Variants in GOLM2 observed in about 807,000 individuals in gnomAD.
The protein encoded by GOLM2 is protein GOLM2.
A neutral mutation model predicts 55.9 loss-of-function variants in GOLM2; 26 were observed. That is an observed-to-expected ratio of 0.47 (90% CI 0.34 to 0.65). GOLM2 has a LOEUF of 0.65. Among genes scored for constraint, GOLM2 ranks in the 30% least tolerant of loss-of-function variants. The pLI is 0.01. For missense variants in GOLM2, 486 were observed against 531.8 expected (o/e 0.91, Z 0.85); for synonymous variants, 165 against 194.6 (o/e 0.85, Z 1.27).
chr15:44,358,097 T>C (rs1474514029), intron 6 of GOLM2, among the ~76,000 whole-genome samples: 2 of 152,222 alleles, frequency 1.3e-5, no homozygotes, highest in East Asian at 3.9e-4. Context: ...CTCAAGCCTG[T>C]AATCCCAGCA....
intron 6 of GOLM2, among the ~76,000 whole-genome samples, chr15:44,364,397 G>A (rs1286173151): frequency 5.4e-5 from 8 of 148,744 alleles, no homozygotes; most frequent in African/African-American, 1.5e-4. Context: ...GTGGCCGGGC[G>A]CGGTGGCTCA....
intron 8 of GOLM2, among the ~76,000 whole-genome samples, chr15:44,388,090 A>G (rs1226690908): frequency 2.6e-5 from 4 of 151,378 alleles, no homozygotes; most frequent in Admixed American, 6.6e-5. Context: ...CACCTGGCCA[A>G]TATGGTAAAA....
chr15:44,292,908 G>C (rs751452618), intron 1 of GOLM2, among the ~76,000 whole-genome samples: 2 of 152,094 alleles, frequency 1.3e-5, no homozygotes, highest in Non-Finnish European at 2.9e-5. Flanking sequence ...TCAAACTCCT[G>C]GGCTCAAGCG....
chr15:44,319,129 A>G (rs2078932241), intron 1 of GOLM2, among the ~76,000 whole-genome samples: 2 of 152,150 alleles, frequency 1.3e-5, no homozygotes. Context: ...ATTTTACGGT[A>G]TTATGATTGC....
intron 1 of GOLM2, among the ~76,000 whole-genome samples, chr15:44,298,840 G>T (rs1217759886): frequency 6.6e-6 from 1 of 152,086 alleles, no homozygotes; most frequent in African/African-American, 2.4e-5. Context: ...CTTAGTTTGG[G>T]AATAGGGTCT....
intron 6 of GOLM2, among the ~76,000 whole-genome samples, chr15:44,365,565 A>G (rs2079278034): frequency 6.6e-6 from 1 of 152,174 alleles, no homozygotes; most frequent in African/African-American, 2.4e-5. Context: ...TTACTAAATG[A>G]AAAAAGCCAA....
intron 6 of GOLM2, among the ~76,000 whole-genome samples, chr15:44,369,713 C>CAA (rs2079317196): frequency 6.6e-6 from 1 of 150,786 alleles, no homozygotes; most frequent in East Asian, 2.0e-4. Flanking sequence ...CACACACACA[C>CAA]ACACACACAC....
rs530533129 is a variant in GOLM2 at position 44,396,669 on chromosome 15, G to A, written c.1073-6218G>A. 5.3e-5 allele frequency among the ~76,000 whole-genome samples: 8 copies of A among 152,118 alleles called. No individual in the cohort carries two copies. The South Asian group carries it at 6.2e-4, about 12-fold the overall frequency. ...TGTTGTTTAGCGTGAATTGAAAAGC[G>A]CGTTAAATGCCTAATTAGGTGATGT... On this transcript the variant is annotated intron_variant, in intron 8 of 9. Coordinates refer to ENST00000299957, the MANE Select transcript of GOLM2 (RefSeq NM_138423.4).
At chr15:44,291,322 A>G (rs1337093474) in intron 1 of GOLM2, among the ~76,000 whole-genome samples, 1 of 151,938 alleles carries the variant, frequency 6.6e-6, no homozygotes, top group African/African-American at 2.4e-5. Context: ...TTTACCTTCA[A>G]CAGTATGTGG....
intron 8 of GOLM2, among the ~76,000 whole-genome samples, chr15:44,381,902 C>T (rs2079405841): frequency 1.3e-5 from 2 of 152,170 alleles, no homozygotes; most frequent in South Asian, 4.1e-4. Flanking sequence ...ATCCTCCCGC[C>T]TTAGCCTCAC....
intron 8 of GOLM2, among the ~76,000 whole-genome samples, chr15:44,385,358 C>CCCTTCCT (rs1475526614): frequency 7.3e-6 from 1 of 136,464 alleles, no homozygotes; most frequent in East Asian, 2.4e-4. Context: ...CTCCCTCCCT[C>CCCTTCCT]CCTTCCTCCC....
At chr15:44,349,724 T>C (rs1173835443) in intron 6 of GOLM2, among the ~76,000 whole-genome samples, 1 of 152,140 alleles carries the variant, frequency 6.6e-6, no homozygotes, top group East Asian at 1.9e-4. Flanking sequence ...TTCTCAAGGG[T>C]AGAGGCCATA....
In GOLM2 at chr15:44,351,623, A is replaced by G. The variant is rs556629092; in HGVS notation, c.802+13306A>G. 1.6e-4 allele frequency among the ~76,000 whole-genome samples: 24 copies of G among 151,642 alleles called. No individual in the cohort carries two copies. In the East Asian group the frequency reaches 3.7e-3, roughly 23 times the overall value. On this transcript the variant is annotated intron_variant, in intron 6 of 9. Coordinates refer to ENST00000299957, the MANE Select transcript of GOLM2 (RefSeq NM_138423.4). ...ACACAGACAAACAAAGAACATCAAA[A>G]TCGGAAAGGAAGAAGTCAAATTATC...
At chr15:44,334,003 C>T (rs1327926042) in intron 4 of GOLM2, among the ~76,000 whole-genome samples, 1 of 152,166 alleles carries the variant, frequency 6.6e-6, no homozygotes, top group Non-Finnish European at 1.5e-5. Flanking sequence ...GCGTGAGGCA[C>T]CACGCCCGGC....
chr15:44,386,941 GAGGC>G, intron 8 of GOLM2, among the ~76,000 whole-genome samples: 1 of 151,742 alleles, frequency 6.6e-6, no homozygotes, highest in East Asian at 1.9e-4. Flanking sequence ...TTGGGAGGCC[GAGGC>G]AGGCAGATCA....
chr15:44,337,284 T>G (rs546817587), intron 4 of GOLM2, among the ~76,000 whole-genome samples: 6 of 152,216 alleles, frequency 3.9e-5, no homozygotes, highest in African/African-American at 1.4e-4. Flanking sequence ...TGTGTTTCGG[T>G]GGCCAGCACA....
At chr15:44,331,631 C>G (rs2079022724) in intron 3 of GOLM2, among the ~76,000 whole-genome samples, 2 of 152,120 alleles carry the variant, frequency 1.3e-5, no homozygotes, top group Admixed American at 1.3e-4. Context: ...TCATCTGTTA[C>G]TATAAATTGG....
intron 1 of GOLM2, among the ~76,000 whole-genome samples, chr15:44,296,870 G>GT: frequency 6.6e-6 from 1 of 152,124 alleles, no homozygotes; most frequent in Non-Finnish European, 1.5e-5. Context: ...TGTAATTTGA[G>GT]TATCAACCTT....
At chr15:44,312,103 C>G (rs2078879067) in intron 1 of GOLM2, among the ~76,000 whole-genome samples, 1 of 152,174 alleles carries the variant, frequency 6.6e-6, no homozygotes, top group African/African-American at 2.4e-5. Context: ...TTACCTCTTC[C>G]TTTCTAGCAG....
Sources: gnomAD v4.1 joint callset for allele counts (sites outside exome capture counted in the v4.1 genomes callset) on GRCh38, gnomAD v4.1.1 for gene constraint, MANE v1.5 for transcripts, NCBI Gene and HGNC (gene_info 2026-07-23, HGNC 2026-07-21) for gene names.